FAM133B: variants seen among roughly 807,000 people sequenced by gnomAD.
FAM133B encodes the protein protein FAM133B.
FAM133B carries 25 observed loss-of-function variants against 46.4 expected under a neutral mutation model. The ratio of observed to expected loss-of-function variants is 0.54; its 90% confidence interval spans 0.39 to 0.75. FAM133B has a LOEUF of 0.75. Ranked by LOEUF, FAM133B falls within the 30% of genes least tolerant of loss-of-function variation. The pLI is 0.00. For missense variants in FAM133B, 205 were observed against 277.6 expected, an observed-to-expected ratio of 0.74 and a Z score of 1.86; for synonymous variants, 75 against 86.0, an observed-to-expected ratio of 0.87 and a Z score of 0.71.
chr7:92,573,289 T>G (rs1204255372), intron 8 of FAM133B, among the ~76,000 whole-genome samples: 2 of 151,392 alleles, frequency 1.3e-5, no homozygotes, highest in Non-Finnish European at 2.9e-5. Context: ...CACTTCAGTC[T>G]CGGGAGAAAC....
chr7:92,565,877 G>T, intron 10 of FAM133B, 137 bp downstream of exon 10: 2 of 825,154 alleles, frequency 2.4e-6, no homozygotes, highest in Non-Finnish European at 3.9e-6. Context: ...ATTAAGTGAA[G>T]CTGCTGAACA....
intron 10 of FAM133B, among the ~76,000 whole-genome samples, chr7:92,563,098 G>T (rs1305345139): frequency 6.6e-6 from 1 of 152,062 alleles, no homozygotes; most frequent in East Asian, 1.9e-4. Flanking sequence ...TGGAAAGGTG[G>T]TACCAAATGA....
chr7:92,589,994 C>A (rs1021515531), intron 1 of FAM133B: 2 of 540,374 alleles, frequency 3.7e-6, no homozygotes, highest in Admixed American at 6.5e-5. Context: ...TGGGGGCCCG[C>A]GTACAGCAGG....
At chr7:92,577,632 G>A in intron 6 of FAM133B, 23 bp downstream of exon 6, 1 of 1,536,244 alleles carries the variant, frequency 6.5e-7, no homozygotes, top group Non-Finnish European at 8.8e-7. Flanking sequence ...ATTATTTCAT[G>A]AACCATTATA....
intron 3 of FAM133B, 137 bp downstream of exon 3, chr7:92,579,180 G>C (rs930022863): frequency 1.1e-5 from 7 of 661,292 alleles, no homozygotes; most frequent in South Asian, 7.2e-5. Flanking sequence ...CGGCGGGGGG[G>C]GGCCTTACTT....
In FAM133B at chr7:92,573,236, T is replaced by C. The variant is rs146992917; in HGVS notation, c.516+2535A>G. On this transcript the variant is annotated intron_variant, in intron 8 of 10. Coordinates refer to ENST00000445716, the MANE Select transcript of FAM133B (RefSeq NM_152789.4). ...AAGCTGGAGTGCACTGGCATGATCA[T>C]AACTCACTGTAACCTCCAATTTCTG... 5.3e-3 allele frequency among the ~76,000 whole-genome samples: 784 copies of C among 147,704 alleles called. 5 individuals carry two copies. The highest frequency in any genetic ancestry group is 0.018 in the African/African-American group (720 of 40,326).
chr7:92,567,297 A>G (rs1369188495), intron 9 of FAM133B, among the ~76,000 whole-genome samples: 2 of 152,254 alleles, frequency 1.3e-5, no homozygotes, highest in Admixed American at 6.5e-5. Context: ...CAAATGTGAG[A>G]TATTTCATAT....
chr7:92,585,305 A>G (rs1456728452), intron 1 of FAM133B: 17 of 896,024 alleles, frequency 1.9e-5, no homozygotes, highest in Non-Finnish European at 2.1e-5. Context: ...TACCTTTGTT[A>G]AATTTAACTG....
intron 8 of FAM133B, among the ~76,000 whole-genome samples, chr7:92,573,436 T>C (rs1329727999): frequency 6.6e-6 from 1 of 151,278 alleles, no homozygotes; most frequent in African/African-American, 2.4e-5. Context: ...ATTATAAGCA[T>C]AAGCCATTGT....
At chr7:92,562,736 T>A (rs1287111877) in intron 10 of FAM133B, among the ~76,000 whole-genome samples, 3 of 152,160 alleles carry the variant, frequency 2.0e-5, no homozygotes, top group African/African-American at 7.2e-5. Flanking sequence ...AAAAACATAA[T>A]TGTTTTTGTA....
chr7:92,590,306 C>T lies in FAM133B; in HGVS notation c.-15G>A. 6.2e-7 allele frequency: 1 copy of T among 1,613,804 alleles called. No individual in the cohort carries two copies. ...CGCTTCCCCATGGTGCTGGATCGAGCGCACAGTAGCACGCCGAGGGAAACC... is the reference window on the plus strand; with the variant it reads ...CGCTTCCCCATGGTGCTGGATCGAGTGCACAGTAGCACGCCGAGGGAAACC... On this transcript the variant is annotated 5_prime_UTR_variant, in exon 1 of 11. Coordinates refer to ENST00000445716, the MANE Select transcript of FAM133B (RefSeq NM_152789.4).
At chr7:92,589,753 C>T (rs1795136521) in intron 1 of FAM133B, 1 of 154,816 alleles carries the variant, frequency 6.5e-6, no homozygotes, top group Admixed American at 6.5e-5. Context: ...CAAACGGGAG[C>T]CTGCTTGTCG....
At chr7:92,568,444 G>A (rs968213531) in intron 9 of FAM133B, among the ~76,000 whole-genome samples, 3 of 151,676 alleles carry the variant, frequency 2.0e-5, no homozygotes, top group Admixed American at 6.6e-5. Flanking sequence ...TGCAACCTCC[G>A]CCTCCCGGGT....
At chr7:92,588,046 T>C (rs1164820242) in intron 1 of FAM133B, among the ~76,000 whole-genome samples, 1 of 152,208 alleles carries the variant, frequency 6.6e-6, no homozygotes, top group African/African-American at 2.4e-5. Context: ...GACTGAAGTT[T>C]TGGTCCCAGT....
chr7:92,576,655 A>G (rs1794705390), intron 7 of FAM133B, among the ~76,000 whole-genome samples: 1 of 152,224 alleles, frequency 6.6e-6, no homozygotes, highest in Non-Finnish European at 1.5e-5. Flanking sequence ...CTTTTTTCCG[A>G]GAACTTCTTA....
chr7:92,562,484 C>A, intron 10 of FAM133B, 116 bp from the exon 11 acceptor site: 1 of 1,351,424 alleles, frequency 7.4e-7, no homozygotes, highest in South Asian at 1.6e-5. Flanking sequence ...ACCAAGAAAA[C>A]TACTCAAAAC....
Position 92,590,266 on chromosome 7 carries a change from A to C in FAM133B, c.24+2T>G. On this transcript the variant is annotated splice_donor_variant, in intron 1 of 10. Coordinates refer to ENST00000445716, the MANE Select transcript of FAM133B (RefSeq NM_152789.4). LOFTEE classifies it high-confidence loss of function. ...CCACTGTTTTCCCGGCTGAGTACTC[A>C]CCACCCGATTGTCCCGCTTCCCCAT... is the stretch of plus-strand genomic sequence containing the variant. 6.2e-7 allele frequency: 1 copy of C among 1,613,502 alleles called. No individual in the cohort carries two copies. The highest frequency in any genetic ancestry group is 8.5e-7 in the Non-Finnish European group (1 of 1,179,638).
chr7:92,579,134 C>A, intron 3 of FAM133B, 183 bp downstream of exon 3: 1 of 564,102 alleles, frequency 1.8e-6, no homozygotes, highest in Non-Finnish European at 3.2e-6. Flanking sequence ...TGCCCAAATA[C>A]TTAAGGTATT....
At chr7:92,580,029 A>C (rs1794820804) in intron 2 of FAM133B, among the ~76,000 whole-genome samples, 1 of 152,180 alleles carries the variant, frequency 6.6e-6, no homozygotes, top group South Asian at 2.1e-4. Context: ...CTGTTTGTAC[A>C]AACAATGTAG....
Sources: gnomAD v4.1 joint callset for allele counts (sites outside exome capture counted in the v4.1 genomes callset) on GRCh38, gnomAD v4.1.1 for gene constraint, MANE v1.5 for transcripts, NCBI Gene and HGNC (gene_info 2026-07-23, HGNC 2026-07-21) for gene names.